The following PPP1R9A variants were observed in gnomAD, a reference collection of about 807,000 sequenced individuals.
PPP1R9A encodes the protein neurabin-1.
PPP1R9A carries 59 observed loss-of-function variants against 141.9 expected under a neutral mutation model. That is an observed-to-expected ratio of 0.42 (90% confidence interval 0.34 to 0.52). The LOEUF (loss-of-function observed/expected upper bound fraction) is 0.52. Ranked by LOEUF, PPP1R9A falls within the 20% of genes least tolerant of loss-of-function variation. The pLI, the probability that PPP1R9A is intolerant of heterozygous loss-of-function variation, is 0.10. For synonymous variants in PPP1R9A, 500 were observed against 569.7 expected, an observed-to-expected ratio of 0.88 and a Z score of 1.74; for missense variants, 1,444 against 1,611.9, an observed-to-expected ratio of 0.90 and a Z score of 1.78.
intron 2 of PPP1R9A, among the ~76,000 whole-genome samples, chr7:95,008,021 G>A (rs1185476545): frequency 6.6e-6 from 1 of 152,182 alleles, no homozygotes; most frequent in African/African-American, 2.4e-5. Flanking sequence ...GCAGTGAGCT[G>A]AGATTATGCC....
chr7:95,259,483 C>A (rs918749866), intron 12 of PPP1R9A, among the ~76,000 whole-genome samples: 4 of 152,042 alleles, frequency 2.6e-5, no homozygotes, highest in African/African-American at 9.7e-5. Context: ...ACATTTATAT[C>A]CATAAGGGTG....
intron 2 of PPP1R9A, among the ~76,000 whole-genome samples, chr7:95,062,997 T>C (rs1412214077): frequency 6.6e-6 from 1 of 152,094 alleles, no homozygotes; most frequent in East Asian, 1.9e-4. Flanking sequence ...AAATAGAGTG[T>C]TGTGATGAAG....
intron 7 of PPP1R9A, among the ~76,000 whole-genome samples, chr7:95,206,675 A>G (rs1393156657): frequency 3.3e-5 from 5 of 152,234 alleles, no homozygotes; most frequent in Non-Finnish European, 7.3e-5. Flanking sequence ...ATGTAATTAG[A>G]ATAAAAGCAC....
chr7:95,155,459 C>T (rs1829456367), intron 4 of PPP1R9A: 1 of 152,018 alleles, frequency 6.6e-6, no homozygotes, highest in Admixed American at 6.6e-5. Flanking sequence ...CCAAAGTGCT[C>T]GATTGTAGGC....
Position 95,167,424 on chromosome 7 carries a change from A to G in PPP1R9A, c.1754+5453A>G, listed in dbSNP as rs140094939. Among the ~76,000 whole-genome samples, 210 of 152,284 alleles carry G rather than the reference A, an allele frequency of 1.4e-3. 6 individuals are homozygous for G. In the South Asian group the frequency reaches 0.025, roughly 18 times the overall value. On this transcript the variant is annotated intron_variant, in intron 5 of 19. Coordinates refer to ENST00000433360, the MANE Select transcript of PPP1R9A (RefSeq NM_001166160.2). ...AACATAATAAAGGCCACATATGACA[A>G]ACTCACAGCTAACATTGTATTGAGT... is the stretch of plus-strand genomic sequence containing the variant.
At chr7:95,123,458 G>A (rs1822989410) in intron 4 of PPP1R9A, among the ~76,000 whole-genome samples, 1 of 152,176 alleles carries the variant, frequency 6.6e-6, no homozygotes, top group African/African-American at 2.4e-5. Flanking sequence ...AGACCAGCCT[G>A]GCCAACATGG....
At chr7:94,969,317 A>T (rs1447485499) in intron 2 of PPP1R9A, among the ~76,000 whole-genome samples, 1 of 151,540 alleles carries the variant, frequency 6.6e-6, no homozygotes, top group Non-Finnish European at 1.5e-5. Context: ...TGACCTTTGG[A>T]TGGGGTTTCT....
intron 5 of PPP1R9A, among the ~76,000 whole-genome samples, chr7:95,188,575 T>C (rs1834988089): frequency 6.6e-6 from 1 of 151,010 alleles, no homozygotes; most frequent in African/African-American, 2.4e-5. Flanking sequence ...TGTTTGTGTG[T>C]GTGTGTGTGT....
chr7:95,280,666 C>T (rs1279257595), intron 16 of PPP1R9A, among the ~76,000 whole-genome samples: 1 of 152,054 alleles, frequency 6.6e-6, no homozygotes, highest in Non-Finnish European at 1.5e-5. Flanking sequence ...GATAGCAAGC[C>T]AGTAAATTAT....
intron 2 of PPP1R9A, among the ~76,000 whole-genome samples, chr7:94,962,303 C>G (rs1490004741): frequency 6.6e-6 from 1 of 151,924 alleles, no homozygotes. Context: ...TTTGTCAACT[C>G]TGGTGCCTTA....
chr7:95,094,936 G>T (rs1273469752), intron 2 of PPP1R9A, among the ~76,000 whole-genome samples: 1 of 147,030 alleles, frequency 6.8e-6, no homozygotes, highest in Non-Finnish European at 1.5e-5. Flanking sequence ...CTGATTTCAT[G>T]TGGGTGTGTA....
chr7:95,203,756 CT>C, intron 7 of PPP1R9A, 26 bp downstream of exon 7: 1 of 1,421,378 alleles, frequency 7.0e-7, no homozygotes, highest in Non-Finnish European at 9.6e-7. Flanking sequence ...TAAAGTAATG[CT>C]TACCTGTACT....
intron 2 of PPP1R9A, among the ~76,000 whole-genome samples, chr7:95,002,022 C>T (rs187993453): frequency 6.6e-6 from 1 of 152,290 alleles, no homozygotes; most frequent in Admixed American, 6.5e-5. Context: ...AATAAGTGCT[C>T]TCTCTGCAGC....
intron 2 of PPP1R9A, among the ~76,000 whole-genome samples, chr7:95,020,040 T>TCA (rs1805693032): frequency 8.0e-6 from 1 of 125,060 alleles, no homozygotes; most frequent in South Asian, 2.3e-4. Context: ...GGCTATATCA[T>TCA]TATCATCATC....
At chr7:95,097,043 T>A (rs1425904394) in intron 2 of PPP1R9A, among the ~76,000 whole-genome samples, 1 of 152,088 alleles carries the variant, frequency 6.6e-6, no homozygotes, top group Non-Finnish European at 1.5e-5. Context: ...AAAGTTTTTA[T>A]TTTTTTCCTT....
At chr7:95,207,114 A>T (rs1790970153) in intron 7 of PPP1R9A, among the ~76,000 whole-genome samples, 2 of 152,178 alleles carry the variant, frequency 1.3e-5, no homozygotes, top group African/African-American at 4.8e-5. Context: ...CAAAGAAAAA[A>T]AGTTAAAGTT....
chr7:95,265,629 ATTCC>A (rs546853750), intron 12 of PPP1R9A, among the ~76,000 whole-genome samples: 270 of 152,312 alleles, frequency 1.8e-3, no homozygotes, highest in African/African-American at 6.1e-3. Context: ...TGTGGACAGT[ATTCC>A]TTCCAGCTTC....
chr7:95,111,543 G>A (rs1436462794), intron 3 of PPP1R9A, 152 bp downstream of exon 3: 1 of 862,266 alleles, frequency 1.2e-6, no homozygotes, highest in Non-Finnish European at 1.7e-6. Flanking sequence ...TAGTTGATAT[G>A]GATTCTGAGT....
At chr7:95,014,148 T>G (rs1011392298) in intron 2 of PPP1R9A, among the ~76,000 whole-genome samples, 1 of 152,082 alleles carries the variant, frequency 6.6e-6, no homozygotes, top group Non-Finnish European at 1.5e-5. Flanking sequence ...GTACTTTTAT[T>G]TATTTAATCT....
Sources: gnomAD v4.1 joint callset for allele counts (sites outside exome capture counted in the v4.1 genomes callset) on GRCh38, gnomAD v4.1.1 for gene constraint, MANE v1.5 for transcripts, NCBI Gene and HGNC (gene_info 2026-07-23, HGNC 2026-07-21) for gene names.